Variants in CEP162 observed in about 807,000 individuals in gnomAD.
The protein encoded by CEP162 is centrosomal protein 162.
In CEP162, 141 loss-of-function variants were observed where a neutral mutation model predicts 169.2. That is an observed-to-expected ratio of 0.83 (90% confidence interval 0.73 to 0.96). The LOEUF (loss-of-function observed/expected upper bound fraction) is 0.96, where lower values mean the gene tolerates loss of function less well. Ranked by LOEUF, CEP162 falls within the 40% of genes least tolerant of loss-of-function variation. CEP162 has a pLI of 0.00. For missense variants in CEP162, 1,600 were observed against 1,587.2 expected, an observed-to-expected ratio of 1.01 and a Z score of -0.14; for synonymous variants, 540 against 526.4, an observed-to-expected ratio of 1.03 and a Z score of -0.35.
At chr6:84,146,999 T>A (rs959371461) in intron 24 of CEP162, among the ~76,000 whole-genome samples, 1 of 152,070 alleles carries the variant, frequency 6.6e-6, no homozygotes, top group Non-Finnish European at 1.5e-5. Context: ...TGGGTATCTA[T>A]CCAAAGGAAA....
chr6:84,169,732 G>T (rs984033225), intron 17 of CEP162, among the ~76,000 whole-genome samples: 1 of 152,062 alleles, frequency 6.6e-6, no homozygotes, highest in Non-Finnish European at 1.5e-5. Context: ...CGTCTACAAA[G>T]ATGCGCTGCA....
chr6:84,202,217 A>G lies in CEP162; in HGVS notation c.688-450T>C, dbSNP rs79260907. 5.5e-3 allele frequency among the ~76,000 whole-genome samples: 835 copies of G among 152,302 alleles called. 6 individuals are homozygous for G. The highest frequency in any genetic ancestry group is 7.0e-3 in the Non-Finnish European group (477 of 68,022). ...TTATTTCATCTATGTTTCAAAAGAT[A>G]CAACTTTCAGAAAGACAGGCCACCA... On this transcript the variant is annotated intron_variant, in intron 7 of 26. Transcript: ENST00000403245.
At chr6:84,144,496 T>C (rs968067459) in intron 25 of CEP162, among the ~76,000 whole-genome samples, 4 of 152,254 alleles carry the variant, frequency 2.6e-5, no homozygotes, top group Non-Finnish European at 4.4e-5. Flanking sequence ...AGATAGTTAA[T>C]TGTTTTACTG....
chr6:84,183,264 C>A (rs1342805496), intron 13 of CEP162, among the ~76,000 whole-genome samples: 1 of 151,388 alleles, frequency 6.6e-6, no homozygotes, highest in Non-Finnish European at 1.5e-5. Context: ...CATCTAGCAA[C>A]CTCCTCATCA....
chr6:84,159,798 TC>T (rs1037560120), intron 21 of CEP162, among the ~76,000 whole-genome samples: 2 of 151,410 alleles, frequency 1.3e-5, no homozygotes, highest in African/African-American at 4.9e-5. Context: ...GCCACCCTGG[TC>T]TTGAACTCCT....
chr6:84,224,108 G>A (rs916951800), intron 2 of CEP162, among the ~76,000 whole-genome samples: 1 of 152,154 alleles, frequency 6.6e-6, no homozygotes, highest in Non-Finnish European at 1.5e-5. Flanking sequence ...AGCATTGTTT[G>A]TAACTGCCAA....
intron 6 of CEP162, among the ~76,000 whole-genome samples, chr6:84,209,068 A>G (rs2099548439): frequency 2.0e-5 from 3 of 152,216 alleles, no homozygotes; most frequent in African/African-American, 7.2e-5. Flanking sequence ...GACTGCATAA[A>G]GAAAGTGTTA....
At chr6:84,125,316 A>C in intron 26 of CEP162, 40 bp from the exon 27 acceptor site, 1 of 1,551,452 alleles carries the variant, frequency 6.4e-7, no homozygotes, top group East Asian at 2.2e-5. Context: ...TATAGTTCAT[A>C]GTGGTGGGTG....
At chr6:84,207,084 AG>A (rs1165297176) in intron 6 of CEP162, among the ~76,000 whole-genome samples, 1 of 152,210 alleles carries the variant, frequency 6.6e-6, no homozygotes, top group African/African-American at 2.4e-5. Flanking sequence ...GGTGCTGGAG[AG>A]GATGTGGAGA....
intron 5 of CEP162, 58 bp from the exon 6 acceptor site, chr6:84,213,082 C>T: frequency 1.9e-6 from 2 of 1,043,332 alleles, no homozygotes; most frequent in Non-Finnish European, 2.8e-6. Flanking sequence ...TCTCATGCAA[C>T]TCTTTCTGTA....
chr6:84,226,299 C>A (rs2127761807), intron 2 of CEP162, 38 bp downstream of exon 2: 1 of 1,363,628 alleles, frequency 7.3e-7, no homozygotes, highest in Non-Finnish European at 1.0e-6. Flanking sequence ...TCTTTTGAGA[C>A]AAATTTGACA....
chr6:84,214,895 C>A (rs1001441830), intron 5 of CEP162, among the ~76,000 whole-genome samples: 2 of 152,190 alleles, frequency 1.3e-5, no homozygotes, highest in Non-Finnish European at 2.9e-5. Context: ...AGACACAGAT[C>A]AAACTTGTCT....
At chr6:84,222,579 G>C (rs1200207499) in intron 2 of CEP162, among the ~76,000 whole-genome samples, 1 of 152,182 alleles carries the variant, frequency 6.6e-6, no homozygotes, top group Non-Finnish European at 1.5e-5. Flanking sequence ...TTTACTCATG[G>C]TGAAACTGAA....
chr6:84,193,873 A>G (rs2099540952), intron 10 of CEP162, among the ~76,000 whole-genome samples, 183 bp from the exon 11 acceptor site: 1 of 152,236 alleles, frequency 6.6e-6, no homozygotes, highest in Non-Finnish European at 1.5e-5. Flanking sequence ...GAAATATCAA[A>G]TAAATATCTC....
At chr6:84,176,760 T>C (rs988667542) in intron 13 of CEP162, among the ~76,000 whole-genome samples, 3 of 152,168 alleles carry the variant, frequency 2.0e-5, no homozygotes, top group African/African-American at 4.8e-5. Flanking sequence ...TTTGGATACA[T>C]AATACTCAAC....
intron 5 of CEP162, among the ~76,000 whole-genome samples, chr6:84,213,502 A>G (rs1291657194): frequency 6.6e-6 from 1 of 152,248 alleles, no homozygotes; most frequent in Non-Finnish European, 1.5e-5. Flanking sequence ...GCAAGGGGAC[A>G]AAGGAGCTTG....
chr6:84,172,230 T>C (rs192354375), intron 16 of CEP162, among the ~76,000 whole-genome samples: 1 of 151,846 alleles, frequency 6.6e-6, no homozygotes, highest in African/African-American at 2.4e-5. Context: ...AAACAGGGAG[T>C]TAAAGACCGG....
At chr6:84,188,252 C>A (rs1004704055) in intron 11 of CEP162, among the ~76,000 whole-genome samples, 1 of 148,182 alleles carries the variant, frequency 6.7e-6, no homozygotes, top group East Asian at 2.0e-4. Context: ...TAGCAAAGAA[C>A]TTTTTTTTTT....
In CEP162 at chr6:84,215,909, T is replaced by C; in HGVS notation, c.186A>G (p.Thr62=). ...DDFKDDGLLG[T]NVSYLKTKKT... is the part of the protein sequence containing the mutation. ...TCTTTGTTTTCAAATAGCTCACATTTGTTCCAAGAAGTCCTAGGTACACAA... is the reference window on the plus strand; with the variant it reads ...TCTTTGTTTTCAAATAGCTCACATTCGTTCCAAGAAGTCCTAGGTACACAA... Residue 62 remains threonine, a synonymous_variant, in exon 4 of 27, where the codon ACA becomes ACG. Transcript: ENST00000403245. 1 of 1,567,484 alleles carries C rather than the reference T, an allele frequency of 6.4e-7. No homozygotes were observed. The highest frequency in any genetic ancestry group is 1.2e-5 in the South Asian group (1 of 84,950).
Sources: allele counts gnomAD v4.1 joint callset (sites outside exome capture counted in the v4.1 genomes callset), GRCh38; gene constraint gnomAD v4.1.1; transcripts MANE v1.5; gene names NCBI Gene and HGNC (gene_info 2026-07-23, HGNC 2026-07-21).